CDH4: variants seen among roughly 807,000 people sequenced by gnomAD.
CDH4 encodes the protein cadherin 4.
In CDH4, 33 loss-of-function variants were observed where a neutral mutation model predicts 86.0. That is an observed-to-expected ratio of 0.38 (90% CI 0.29 to 0.51). The LOEUF (loss-of-function observed/expected upper bound fraction) is 0.51, where lower values mean the gene tolerates loss of function less well. CDH4 is among the 20% of genes least tolerant of loss of function. The pLI, the probability that CDH4 is intolerant of heterozygous loss-of-function variation, is 0.86. For missense variants in CDH4, 1,114 were observed against 1,307.4 expected (o/e 0.85, Z 2.28); for synonymous variants, 555 against 549.4 (o/e 1.01, Z -0.14).
chr20:61,434,075 C>T (rs117625942), intron 2 of CDH4, among the ~76,000 whole-genome samples: 6 of 152,268 alleles, frequency 3.9e-5, no homozygotes, highest in Non-Finnish European at 7.3e-5. Context: ...CCACTCTCCA[C>T]TGGCTTCGTT....
At chr20:61,613,259 T>C (rs1218724691) in intron 2 of CDH4, among the ~76,000 whole-genome samples, 3 of 152,090 alleles carry the variant, frequency 2.0e-5, no homozygotes, top group Non-Finnish European at 2.9e-5. Flanking sequence ...TTAAAGTCGT[T>C]TAAAGACCAG....
chr20:61,906,243 T>C (rs2054787019), intron 8 of CDH4, among the ~76,000 whole-genome samples: 1 of 152,272 alleles, frequency 6.6e-6, no homozygotes, highest in Admixed American at 6.5e-5. Context: ...CTGTCTCTGT[T>C]ACTGCGACTC....
At chr20:61,407,516 AC>A (rs760017074) in intron 2 of CDH4, among the ~76,000 whole-genome samples, 44 of 152,352 alleles carry the variant, frequency 2.9e-4, no homozygotes, top group Non-Finnish European at 5.3e-4. Context: ...CTAAATGGCT[AC>A]AACCACTTTA....
intron 2 of CDH4, among the ~76,000 whole-genome samples, chr20:61,721,331 A>C (rs1018280463): frequency 1.3e-5 from 2 of 152,200 alleles, no homozygotes; most frequent in Non-Finnish European, 2.9e-5. Flanking sequence ...AAGGCCAGGC[A>C]TGGTTGGCCA....
chr20:61,701,684 G>A (rs999828059), intron 2 of CDH4, among the ~76,000 whole-genome samples: 23 of 152,358 alleles, frequency 1.5e-4, no homozygotes, highest in African/African-American at 4.8e-4. Flanking sequence ...CACCAGGCAG[G>A]CCTCCAGCGC....
intron 2 of CDH4, among the ~76,000 whole-genome samples, chr20:61,411,205 C>G (rs986342710): frequency 6.6e-6 from 1 of 151,698 alleles, no homozygotes; most frequent in Non-Finnish European, 1.5e-5. Context: ...TAATGAGGTG[C>G]CTGCTTTCAC....
intron 2 of CDH4, among the ~76,000 whole-genome samples, chr20:61,421,824 G>C (rs2145502978): frequency 6.6e-6 from 1 of 152,302 alleles, no homozygotes; most frequent in African/African-American, 2.4e-5. Context: ...GTGTGCACTA[G>C]GGTAAGTGGA....
chr20:61,691,559 G>A (rs117805994), intron 2 of CDH4, among the ~76,000 whole-genome samples: 382 of 152,260 alleles, frequency 2.5e-3, no homozygotes, highest in Non-Finnish European at 4.4e-3. Flanking sequence ...TGAGAAATGC[G>A]TCAGCAGCTG....
At chr20:61,303,831 G>A (rs369551367) in intron 2 of CDH4, among the ~76,000 whole-genome samples, 1 of 152,356 alleles carries the variant, frequency 6.6e-6, no homozygotes, top group African/African-American at 2.4e-5. Flanking sequence ...AGTGGGGCAA[G>A]CTGGAAAGCG....
intron 2 of CDH4, among the ~76,000 whole-genome samples, chr20:61,639,305 A>G (rs1245509520): frequency 6.6e-6 from 1 of 152,136 alleles, no homozygotes; most frequent in Non-Finnish European, 1.5e-5. Flanking sequence ...CATTCTCTGC[A>G]TTGGTCCTCC....
chr20:61,412,561 T>A (rs1350884542), intron 2 of CDH4, among the ~76,000 whole-genome samples: 1 of 152,126 alleles, frequency 6.6e-6, no homozygotes, highest in Non-Finnish European at 1.5e-5. Flanking sequence ...GAGGAGGGAT[T>A]TCTTGGCTCT....
At chr20:61,519,771 C>T (rs570540674) in intron 2 of CDH4, among the ~76,000 whole-genome samples, 121 of 152,340 alleles carry the variant, frequency 7.9e-4, no homozygotes, top group African/African-American at 2.6e-3. Flanking sequence ...AGGCAGACTG[C>T]GTGGTGGTGG....
intron 2 of CDH4, among the ~76,000 whole-genome samples, chr20:61,699,512 C>A (rs1295106935): frequency 2.1e-5 from 3 of 141,266 alleles, no homozygotes; most frequent in Non-Finnish European, 3.3e-5. Context: ...GTGGCAGCAG[C>A]ACTTTCTGGC....
intron 2 of CDH4, among the ~76,000 whole-genome samples, chr20:61,611,162 G>A (rs753633937): frequency 1.3e-5 from 2 of 152,068 alleles, no homozygotes; most frequent in Non-Finnish European, 2.9e-5. Flanking sequence ...CCCAACTGCA[G>A]TGAGTGGGGC....
chr20:61,471,079 C>T (rs2085499343), intron 2 of CDH4, among the ~76,000 whole-genome samples: 1 of 151,956 alleles, frequency 6.6e-6, no homozygotes, highest in Non-Finnish European at 1.5e-5. Flanking sequence ...ATCCCCTCCT[C>T]CTCTATTTTT....
At chr20:61,426,389 C>T (rs940676667) in intron 2 of CDH4, among the ~76,000 whole-genome samples, 1 of 152,130 alleles carries the variant, frequency 6.6e-6, no homozygotes, top group Non-Finnish European at 1.5e-5. Flanking sequence ...GCACTGCATT[C>T]GGGTGGCTCC....
intron 4 of CDH4, among the ~76,000 whole-genome samples, 192 bp downstream of exon 4, chr20:61,773,374 T>C (rs2088801452): frequency 6.6e-6 from 1 of 152,190 alleles, no homozygotes; most frequent in Non-Finnish European, 1.5e-5. Context: ...TCCTCCGCGG[T>C]GGATGGGCCT....
chr20:61,535,196 G>A (rs867516664), intron 2 of CDH4, among the ~76,000 whole-genome samples: 40 of 152,358 alleles, frequency 2.6e-4, no homozygotes, highest in Non-Finnish European at 4.4e-4. Flanking sequence ...TTTCACAGGC[G>A]AGGAAGCTGA....
chr20:61,388,635 A>G (rs1321730170), intron 2 of CDH4, among the ~76,000 whole-genome samples: 1 of 152,180 alleles, frequency 6.6e-6, no homozygotes, highest in Non-Finnish European at 1.5e-5. Context: ...TAGCGTTTTT[A>G]AAACAACTCG....
Sources: allele counts gnomAD v4.1 joint callset (sites outside exome capture counted in the v4.1 genomes callset), GRCh38; gene constraint gnomAD v4.1.1; transcripts MANE v1.5; gene names NCBI Gene and HGNC (gene_info 2026-07-23, HGNC 2026-07-21).